Variants in ASAP1 observed in about 807,000 individuals in gnomAD.
The protein encoded by ASAP1 is arf-GAP with SH3 domain, ANK repeat and PH domain-containing protein 1.
Under a neutral mutation model 145.2 loss-of-function variants are expected in ASAP1, and 43 were observed. The observed-to-expected ratio is 0.30, with a 90% CI of 0.23 to 0.38. ASAP1 has a LOEUF of 0.38. Ranked by LOEUF, ASAP1 falls within the 10% of genes least tolerant of loss-of-function variation. The pLI, the probability that ASAP1 is intolerant of heterozygous loss-of-function variation, is 1.00. For synonymous variants in ASAP1, 546 were observed against 515.5 expected (o/e 1.06, Z -0.80); for missense variants, 1,018 against 1,355.3 (o/e 0.75, Z 3.91).
At chr8:130,271,874 TTTG>T (rs1820606317) in intron 3 of ASAP1, among the ~76,000 whole-genome samples, 1 of 152,186 alleles carries the variant, frequency 6.6e-6, no homozygotes, top group African/African-American at 2.4e-5. Flanking sequence ...TTCCTCCCAT[TTTG>T]TTATTTTTAT....
chr8:130,443,657 A>G lies in ASAP1; in HGVS notation c.-225T>C, dbSNP rs1830575484. On this transcript the variant is annotated 5_prime_UTR_variant, in exon 1 of 30. Transcript: ENST00000518721. ...CGCGGGAGCCGAGCGCGGCGCAGGA[A>G]GGGGCGGGCGACCATGTGCCGAGGG... 1 of 151,930 alleles carries G rather than the reference A, an allele frequency of 6.6e-6. No homozygotes were observed. The highest frequency in any genetic ancestry group is 1.5e-5 in the Non-Finnish European group (1 of 68,120). The allele number at this position is 151,930 out of a possible 1,614,324, so 9.4% of individuals were successfully genotyped here.
At chr8:130,442,290 T>C (rs1426094641) in intron 1 of ASAP1, among the ~76,000 whole-genome samples, 3 of 152,160 alleles carry the variant, frequency 2.0e-5, no homozygotes, top group African/African-American at 7.2e-5. Flanking sequence ...AAGTGGAAAC[T>C]ACTCCTGGCC....
At chr8:130,282,203 T>A (rs781513336) in intron 3 of ASAP1, among the ~76,000 whole-genome samples, 13 of 152,112 alleles carry the variant, frequency 8.5e-5, no homozygotes, top group Non-Finnish European at 1.0e-4. Flanking sequence ...AAAGCAGAAG[T>A]GTCTAAAATC....
chr8:130,174,906 A>G (rs989495350), intron 9 of ASAP1, among the ~76,000 whole-genome samples: 5 of 152,244 alleles, frequency 3.3e-5, no homozygotes, highest in Admixed American at 6.5e-5. Context: ...CAACTGATGG[A>G]TATCTGGGTG....
chr8:130,094,959 GTC>G (rs1328195664), intron 24 of ASAP1, among the ~76,000 whole-genome samples: 34 of 152,330 alleles, frequency 2.2e-4, no homozygotes, highest in Non-Finnish European at 1.9e-4. Flanking sequence ...ATGGAGCCAT[GTC>G]TCTGAGCAAC....
intron 25 of ASAP1, among the ~76,000 whole-genome samples, chr8:130,085,094 G>T (rs1427610255): frequency 6.6e-6 from 1 of 152,142 alleles, no homozygotes; most frequent in Non-Finnish European, 1.5e-5. Context: ...GGTTTCCCAC[G>T]TGCACTGCAG....
At chr8:130,139,520 G>A (rs2097604437) in intron 13 of ASAP1, among the ~76,000 whole-genome samples, 1 of 152,180 alleles carries the variant, frequency 6.6e-6, no homozygotes, top group Non-Finnish European at 1.5e-5. Context: ...GAGGCCTGGG[G>A]TTCAAGACCA....
intron 23 of ASAP1, among the ~76,000 whole-genome samples, chr8:130,112,906 C>T (rs2097549077): frequency 6.6e-6 from 1 of 152,182 alleles, no homozygotes; most frequent in African/African-American, 2.4e-5. Context: ...GCATTAGGAT[C>T]CACTCAACTG....
intron 29 of ASAP1, among the ~76,000 whole-genome samples, chr8:130,055,820 G>T (rs1056383519): frequency 6.6e-6 from 1 of 152,222 alleles, no homozygotes; most frequent in Admixed American, 6.5e-5. Context: ...TTTAAGAGTG[G>T]AACAGAGTCA....
chr8:130,314,590 GC>G (rs1483430465), intron 3 of ASAP1, among the ~76,000 whole-genome samples: 1 of 152,182 alleles, frequency 6.6e-6, no homozygotes, highest in Non-Finnish European at 1.5e-5. Context: ...AGATTGCCAG[GC>G]CTGTTCAGTA....
chr8:130,297,701 G>C (rs1822371263), intron 3 of ASAP1, among the ~76,000 whole-genome samples: 1 of 152,210 alleles, frequency 6.6e-6, no homozygotes, highest in Non-Finnish European at 1.5e-5. Context: ...GTCCACTGCT[G>C]TCAGAGACAA....
intron 24 of ASAP1, among the ~76,000 whole-genome samples, chr8:130,095,958 G>A (rs953956368): frequency 1.3e-5 from 2 of 152,130 alleles, no homozygotes; most frequent in Non-Finnish European, 2.9e-5. Context: ...GTTTCACTTA[G>A]GTTGACTGAT....
At chr8:130,229,341 G>A (rs916044150) in intron 4 of ASAP1, among the ~76,000 whole-genome samples, 3 of 152,136 alleles carry the variant, frequency 2.0e-5, no homozygotes, top group East Asian at 3.9e-4. Context: ...TGTTTTCAGA[G>A]GGCAGATTCT....
At chr8:130,430,545 G>C (rs566867212) in intron 1 of ASAP1, among the ~76,000 whole-genome samples, 65 of 152,284 alleles carry the variant, frequency 4.3e-4, no homozygotes, top group African/African-American at 1.5e-3. Flanking sequence ...CCTGGGCATG[G>C]GGATGGAGAC....
intron 2 of ASAP1, among the ~76,000 whole-genome samples, chr8:130,374,757 G>A (rs1311661245): frequency 6.6e-6 from 1 of 152,176 alleles, no homozygotes; most frequent in African/African-American, 2.4e-5. Context: ...TCCACAGGAG[G>A]TGCCCAACCT....
At chr8:130,265,622 C>A (rs1335407728) in intron 3 of ASAP1, among the ~76,000 whole-genome samples, 1 of 151,250 alleles carries the variant, frequency 6.6e-6, no homozygotes, top group Non-Finnish European at 1.5e-5. Context: ...CACTTGTAAT[C>A]CCAGCACTTT....
intron 3 of ASAP1, among the ~76,000 whole-genome samples, chr8:130,315,975 C>CT (rs935026064): frequency 9.2e-5 from 14 of 152,224 alleles, no homozygotes; most frequent in African/African-American, 3.1e-4. Context: ...TGGCCACTCC[C>CT]TTCGCCTGTG....
chr8:130,184,026 T>C (rs1466721832), intron 7 of ASAP1, among the ~76,000 whole-genome samples: 1 of 152,172 alleles, frequency 6.6e-6, no homozygotes, highest in Non-Finnish European at 1.5e-5. Context: ...TTGACAGGTG[T>C]CTGACATCTG....
intron 3 of ASAP1, among the ~76,000 whole-genome samples, chr8:130,257,670 T>C (rs1459023948): frequency 2.0e-5 from 3 of 152,158 alleles, no homozygotes; most frequent in Non-Finnish European, 4.4e-5. Context: ...TACTCCAAGC[T>C]GTATCTCCTT....
Sources: allele counts gnomAD v4.1 joint callset (sites outside exome capture counted in the v4.1 genomes callset), GRCh38; gene constraint gnomAD v4.1.1; transcripts MANE v1.5; gene names NCBI Gene and HGNC (gene_info 2026-07-23, HGNC 2026-07-21).